The following COPG2 variants were observed in gnomAD, a reference collection of about 807,000 sequenced individuals.
COPG2 encodes coatomer subunit gamma-2.
COPG2 carries 37 observed loss-of-function variants against 46.3 expected under a neutral mutation model. The ratio of observed to expected loss-of-function variants is 0.80; its 90% CI spans 0.61 to 1.05. The LOEUF is 1.05. COPG2 is among the 50% of genes least tolerant of loss of function. COPG2 has a pLI of 0.00. For synonymous variants in COPG2, 159 were observed against 129.7 expected, an observed-to-expected ratio of 1.23 and a Z score of -1.53; for missense variants, 427 against 387.8, an observed-to-expected ratio of 1.10 and a Z score of -0.85.
At chr7:130,647,616 G>T (rs1584607541) in intron 5 of COPG2, among the ~76,000 whole-genome samples, 2 of 151,776 alleles carry the variant, frequency 1.3e-5, no homozygotes, top group African/African-American at 2.4e-5. Flanking sequence ...TATCTACAGT[G>T]TATGGGAGTT....
At chr7:130,661,270 T>G (rs1163460637) in intron 4 of COPG2, among the ~76,000 whole-genome samples, 2 of 152,214 alleles carry the variant, frequency 1.3e-5, no homozygotes, top group Non-Finnish European at 2.9e-5. Context: ...TTTTCTCCAC[T>G]ACATGTCCAG....
intron 20 of COPG2, among the ~76,000 whole-genome samples, chr7:130,523,485 A>G (rs1252846100): frequency 6.6e-6 from 1 of 152,226 alleles, no homozygotes; most frequent in African/African-American, 2.4e-5. Flanking sequence ...CCGGGCAGAT[A>G]CGTGGAGTGC....
intron 20 of COPG2, among the ~76,000 whole-genome samples, chr7:130,513,369 A>ATG: frequency 2.1e-5 from 1 of 47,254 alleles, no homozygotes; most frequent in Non-Finnish European, 6.3e-5. Flanking sequence ...GTATATATAT[A>ATG]TATATATGTG....
At chr7:130,595,481 T>A (rs1794511019) in intron 9 of COPG2, among the ~76,000 whole-genome samples, 1 of 152,210 alleles carries the variant, frequency 6.6e-6, no homozygotes, top group African/African-American at 2.4e-5. Flanking sequence ...AACTATATAC[T>A]TTTAAAAGGT....
chr7:130,576,294 T>C (rs1554446211), intron 9 of COPG2, among the ~76,000 whole-genome samples: 1 of 152,082 alleles, frequency 6.6e-6, no homozygotes, highest in African/African-American at 2.4e-5. Flanking sequence ...TGGAACTTTC[T>C]CCAAGACAGG....
At chr7:130,515,075 T>C (rs939484286) in intron 20 of COPG2, among the ~76,000 whole-genome samples, 148 of 152,326 alleles carry the variant, frequency 9.7e-4, no homozygotes, top group African/African-American at 3.2e-3. Context: ...CATGGCACTA[T>C]CTAGGAATCT....
intron 9 of COPG2, among the ~76,000 whole-genome samples, chr7:130,583,277 C>G (rs1343548206): frequency 7.2e-6 from 1 of 139,790 alleles, no homozygotes; most frequent in Non-Finnish European, 1.5e-5. Flanking sequence ...GATTCTCACT[C>G]ATAGGTGGGA....
At chr7:130,666,369 C>T (rs2116275184) in intron 3 of COPG2, among the ~76,000 whole-genome samples, 1 of 152,172 alleles carries the variant, frequency 6.6e-6, no homozygotes, top group Middle Eastern at 3.4e-3. Flanking sequence ...AAATTGAAAC[C>T]AAAGGATTTA....
At chr7:130,539,343 G>A (rs1370387728) in intron 20 of COPG2, among the ~76,000 whole-genome samples, 1 of 152,120 alleles carries the variant, frequency 6.6e-6, no homozygotes, top group Non-Finnish European at 1.5e-5. Flanking sequence ...GGAACAGAAA[G>A]AGAAAAGAGG....
intron 9 of COPG2, chr7:130,610,738 AT>A (rs1342669341): frequency 1.5e-6 from 1 of 652,684 alleles, no homozygotes; most frequent in Non-Finnish European, 2.7e-6. Context: ...CAGTTTGTTA[AT>A]GTGCTATTAA....
intron 5 of COPG2, among the ~76,000 whole-genome samples, chr7:130,643,005 C>CAAAACA (rs1410455843): frequency 1.1e-4 from 17 of 151,730 alleles, no homozygotes; most frequent in Non-Finnish European, 1.8e-4. Context: ...GACTCCGTCT[C>CAAAACA]AAAACAAAAA....
At chr7:130,565,401 C>T (rs1793786517) in intron 9 of COPG2, among the ~76,000 whole-genome samples, 1 of 152,090 alleles carries the variant, frequency 6.6e-6, no homozygotes, top group Non-Finnish European at 1.5e-5. Flanking sequence ...AGAAATAGTC[C>T]AGGAAGGTCA....
intron 9 of COPG2, among the ~76,000 whole-genome samples, chr7:130,572,145 C>A (rs1478115575): frequency 2.0e-5 from 3 of 152,058 alleles, no homozygotes; most frequent in African/African-American, 7.2e-5. Context: ...GTATAGTGTA[C>A]ACTACTTGGG....
intron 4 of COPG2, among the ~76,000 whole-genome samples, chr7:130,660,489 T>C (rs1361851528): frequency 6.6e-6 from 1 of 152,102 alleles, no homozygotes; most frequent in Non-Finnish European, 1.5e-5. Context: ...ATAACCCTCA[T>C]ACCACCAGGC....
chr7:130,607,355 G>A (rs1794755520), intron 9 of COPG2: 1 of 369,046 alleles, frequency 2.7e-6, no homozygotes, highest in South Asian at 2.2e-5. Flanking sequence ...GATCATATCA[G>A]GGTTAGTTTC....
At chr7:130,518,208 GA>G (rs1799694491) in intron 20 of COPG2, among the ~76,000 whole-genome samples, 1 of 152,184 alleles carries the variant, frequency 6.6e-6, no homozygotes, top group Admixed American at 6.5e-5. Context: ...TGATACCGAG[GA>G]AGTCTCAACT....
At chr7:130,609,979 T>G in intron 9 of COPG2, 1 of 471,558 alleles carries the variant, frequency 2.1e-6, no homozygotes. Context: ...GTGTTCACTT[T>G]AGAGAAGTTG....
At chr7:130,542,454 C>T (rs915780418) in intron 20 of COPG2, among the ~76,000 whole-genome samples, 2 of 152,038 alleles carry the variant, frequency 1.3e-5, no homozygotes, top group Admixed American at 6.5e-5. Context: ...TGAACTGAGA[C>T]AGCAGATGGA....
At chr7:130,589,433 A>T (rs1302717728) in intron 9 of COPG2, among the ~76,000 whole-genome samples, 1 of 151,794 alleles carries the variant, frequency 6.6e-6, no homozygotes, top group Non-Finnish European at 1.5e-5. Flanking sequence ...ATAGGTGCTC[A>T]CCACCACACC....
Sources: allele counts gnomAD v4.1 joint callset (sites outside exome capture counted in the v4.1 genomes callset), GRCh38; gene constraint gnomAD v4.1.1; transcripts MANE v1.5; gene names NCBI Gene and HGNC (gene_info 2026-07-23, HGNC 2026-07-21).